RHOBTB1: variants seen among roughly 807,000 people sequenced by gnomAD.
RHOBTB1 encodes the protein Rho related BTB domain containing 1.
In RHOBTB1, 40 loss-of-function variants were observed where a neutral mutation model predicts 71.6. That is an observed-to-expected ratio of 0.56 (90% CI 0.43 to 0.73). RHOBTB1 has a LOEUF of 0.73. RHOBTB1 is among the 30% of genes least tolerant of loss of function. The pLI, the probability that RHOBTB1 is intolerant of heterozygous loss-of-function variation, is 0.00. For synonymous variants in RHOBTB1, 319 were observed against 334.9 expected (o/e 0.95, Z 0.52); for missense variants, 797 against 894.0 (o/e 0.89, Z 1.38).
intron 5 of RHOBTB1, among the ~76,000 whole-genome samples, chr10:60,889,618 A>AC (rs1253440230): frequency 2.0e-5 from 3 of 152,098 alleles, no homozygotes; most frequent in African/African-American, 7.2e-5. Flanking sequence ...CATTTACATG[A>AC]CCATGTGCCT....
At chr10:60,924,270 G>A (rs2083734615) in intron 2 of RHOBTB1, among the ~76,000 whole-genome samples, 1 of 151,822 alleles carries the variant, frequency 6.6e-6, no homozygotes, top group South Asian at 2.1e-4. Context: ...ACTATTTGAA[G>A]ACGATTTTAA....
At chr10:60,889,892 TATC>T in intron 5 of RHOBTB1, among the ~76,000 whole-genome samples, 1 of 152,340 alleles carries the variant, frequency 6.6e-6, no homozygotes, top group East Asian at 1.9e-4. Context: ...TGTTAGCTGT[TATC>T]ATCATTATCA....
chr10:60,993,534 C>A (rs1210776139), intron 1 of RHOBTB1, among the ~76,000 whole-genome samples: 1 of 151,992 alleles, frequency 6.6e-6, no homozygotes, highest in Non-Finnish European at 1.5e-5. Flanking sequence ...AAACTGAGAA[C>A]AAAATTTGTT....
At chr10:60,981,327 C>T (rs2086489526) in intron 2 of RHOBTB1, among the ~76,000 whole-genome samples, 2 of 152,112 alleles carry the variant, frequency 1.3e-5, no homozygotes, top group South Asian at 4.1e-4. Context: ...TTCATTTACT[C>T]ACTTCTCATA....
chr10:60,918,751 C>CTTT lies in RHOBTB1; in HGVS notation c.-10-7202_-10-7200dup, dbSNP rs113890954. ...TTTGCATTTCTTTTCTTTTCTTTTT[C>CTTT]TTTTTTTTTTTTGAGATGGAGTTTC... On this transcript the variant is annotated intron_variant, in intron 2 of 10. Transcript: ENST00000337910. 5.9e-3 allele frequency among the ~76,000 whole-genome samples: 855 copies of CTTT among 144,634 alleles called. 13 individuals carry two copies. Among genetic ancestry groups the CTTT allele is most frequent in the African/African-American group, 0.02 (776 of 39,464 alleles). 94.9% of individuals were successfully genotyped at this position (144,634 alleles called of 152,430 possible).
chr10:60,974,054 T>C (rs779973552), intron 2 of RHOBTB1, among the ~76,000 whole-genome samples: 9 of 152,088 alleles, frequency 5.9e-5, no homozygotes, highest in Non-Finnish European at 1.2e-4. Context: ...CAGAATTTTC[T>C]ATCTCCATAA....
intron 10 of RHOBTB1, 30 bp from the exon 11 acceptor site, chr10:60,871,681 C>T (rs2080792626): frequency 6.2e-7 from 1 of 1,603,210 alleles, no homozygotes; most frequent in Non-Finnish European, 8.5e-7. Context: ...GACCATAAGA[C>T]CTGCGGTTCA....
chr10:60,881,169 G>T (rs1214157431), intron 7 of RHOBTB1, among the ~76,000 whole-genome samples: 1 of 152,166 alleles, frequency 6.6e-6, no homozygotes, highest in Non-Finnish European at 1.5e-5. Context: ...CTGCTGCCAT[G>T]TAAGATGTGC....
intron 1 of RHOBTB1, among the ~76,000 whole-genome samples, chr10:61,000,149 G>A (rs2087207263): frequency 6.6e-6 from 1 of 152,080 alleles, no homozygotes; most frequent in East Asian, 1.9e-4. Flanking sequence ...TTACGCTTCC[G>A]AGTGCATCTG....
At chr10:60,998,581 T>C (rs1016639923) in intron 1 of RHOBTB1, among the ~76,000 whole-genome samples, 3 of 152,022 alleles carry the variant, frequency 2.0e-5, no homozygotes, top group Admixed American at 1.3e-4. Context: ...GAAGTGCAAT[T>C]TACTTAGACC....
intron 1 of RHOBTB1, 66 bp from the exon 2 acceptor site, chr10:60,941,920 A>C (rs1404769327): frequency 1.3e-5 from 2 of 152,178 alleles, no homozygotes; most frequent in African/African-American, 4.8e-5. Context: ...GGAGCCACTA[A>C]AATTTTCAAC....
chr10:60,968,811 C>A (rs1212902319), intron 2 of RHOBTB1, among the ~76,000 whole-genome samples: 1 of 152,034 alleles, frequency 6.6e-6, no homozygotes, highest in Non-Finnish European at 1.5e-5. Context: ...TGGATTTCTA[C>A]AGGATGTTCG....
At chr10:60,906,438 C>G (rs1050407538) in intron 4 of RHOBTB1, among the ~76,000 whole-genome samples, 1 of 152,136 alleles carries the variant, frequency 6.6e-6, no homozygotes, top group Non-Finnish European at 1.5e-5. Context: ...TCAGAATGTA[C>G]CAGGAGGAAA....
chr10:60,977,211 A>C (rs2086345851), intron 2 of RHOBTB1, among the ~76,000 whole-genome samples: 1 of 152,078 alleles, frequency 6.6e-6, no homozygotes, highest in Non-Finnish European at 1.5e-5. Context: ...GTCAGTGCTT[A>C]GGGAGCATTT....
At chr10:60,973,125 C>A (rs1270645338) in intron 2 of RHOBTB1, among the ~76,000 whole-genome samples, 1 of 151,808 alleles carries the variant, frequency 6.6e-6, no homozygotes, top group Non-Finnish European at 1.5e-5. Context: ...TTTAAGGATT[C>A]AATATGGACT....
At chr10:60,926,363 C>T (rs1261054503) in intron 2 of RHOBTB1, among the ~76,000 whole-genome samples, 1 of 152,170 alleles carries the variant, frequency 6.6e-6, no homozygotes, top group Admixed American at 6.5e-5. Context: ...GGAAGGAATA[C>T]TTCCAAACTT....
At chr10:60,881,580 A>G (rs546677740) in intron 7 of RHOBTB1, among the ~76,000 whole-genome samples, 2 of 152,230 alleles carry the variant, frequency 1.3e-5, no homozygotes, top group South Asian at 4.1e-4. Context: ...GTGACCTTTG[A>G]TACATCTCTC....
intron 2 of RHOBTB1, among the ~76,000 whole-genome samples, chr10:60,919,335 A>AG (rs57642119): frequency 6.6e-6 from 1 of 151,964 alleles, no homozygotes; most frequent in South Asian, 2.1e-4. Context: ...ATTGACAGGA[A>AG]AAAAGGAAAA....
chr10:60,896,093 C>A (rs2082148014), intron 4 of RHOBTB1, among the ~76,000 whole-genome samples: 1 of 152,178 alleles, frequency 6.6e-6, no homozygotes, highest in South Asian at 2.1e-4. Context: ...AGGCACAAGA[C>A]CTGCAGCTAA....
Sources: allele counts gnomAD v4.1 joint callset (sites outside exome capture counted in the v4.1 genomes callset), GRCh38; gene constraint gnomAD v4.1.1; transcripts MANE v1.5; gene names NCBI Gene and HGNC (gene_info 2026-07-23, HGNC 2026-07-21).